The following TTN variants were observed in gnomAD, a reference collection of about 807,000 sequenced individuals.
TTN encodes the protein titin.
A neutral mutation model predicts 3,223.0 loss-of-function variants in TTN; 1,525 were observed. The ratio of observed to expected loss-of-function variants is 0.47; its 90% CI spans 0.45 to 0.49. TTN has a LOEUF of 0.49. Ranked by LOEUF, TTN falls within the 20% of genes least tolerant of loss-of-function variation. The pLI, the probability that TTN is intolerant of heterozygous loss-of-function variation, is 0.00. For synonymous variants in TTN, 14,094 were observed against 15,161.0 expected, an observed-to-expected ratio of 0.93 and a Z score of 5.17; for missense variants, 40,786 against 43,424.0, an observed-to-expected ratio of 0.94 and a Z score of 5.40.
intron 330 of TTN, chr2:178,556,459 A>AAAC (rs1427180876): frequency 0.044 from 8,867 of 203,412 alleles, 440 homozygotes; most frequent in African/African-American, 0.16. Flanking sequence ...AACAAACAAA[A>AAAC]AAAAAAAAAC....
chr2:178,681,478 T>A, intron 136 of TTN, 28 bp from the exon 137 acceptor site: 1 of 1,576,656 alleles, frequency 6.3e-7, no homozygotes, highest in Non-Finnish European at 8.6e-7. Context: ...TAAGAGATTT[T>A]AAAAATTGAA....
intron 11 of TTN, 92 bp from the exon 12 acceptor site, chr2:178,790,207 T>A (rs1227203858): frequency 1.4e-6 from 2 of 1,391,762 alleles, no homozygotes; most frequent in Non-Finnish European, 1.9e-6. Context: ...GAGGCAAAAT[T>A]TCTTCCTATT....
At chr2:178,613,959 A>G (rs752451461) in intron 262 of TTN, 22 bp from the exon 263 acceptor site, 8 of 1,607,058 alleles carry the variant, frequency 5.0e-6, no homozygotes, top group Non-Finnish European at 6.8e-6. Context: ...ATAATGGTGT[A>G]AAATGTTATA....
chr2:178,630,638 G>T (rs1390567205), intron 238 of TTN, among the ~76,000 whole-genome samples, 166 bp downstream of exon 238: 1 of 152,046 alleles, frequency 6.6e-6, no homozygotes, highest in Non-Finnish European at 1.5e-5. Context: ...ATGCAAGTGT[G>T]CCAGTCTGAG....
intron 159 of TTN, among the ~76,000 whole-genome samples, chr2:178,668,894 C>T (rs940736435): frequency 4.0e-5 from 6 of 150,104 alleles, no homozygotes; most frequent in African/African-American, 1.5e-4. Flanking sequence ...AAAAAAAGGT[C>T]GTGAGAATTC....
At chr2:178,673,763 A>G in intron 151 of TTN, 53 bp from the exon 152 acceptor site, 1 of 1,254,912 alleles carries the variant, frequency 8.0e-7, no homozygotes, top group Non-Finnish European at 1.1e-6. Context: ...TGAGCAGAAC[A>G]CCACCCATAT....
Position 178,614,747 on chromosome 2 carries a change from G to A in TTN, c.48767C>T (p.Pro16256Leu), listed in dbSNP as rs2056985988. 1 of 1,606,200 alleles carries A rather than the reference G, an allele frequency of 6.2e-7. No individual in the cohort carries two copies. Reference sequence around the variant, plus strand: ...GAGCTTCACATCGAGGAAGATTTCTGGGGCCTCTGAATTGGAAAAGATTAT... The same window carrying A: ...GAGCTTCACATCGAGGAAGATTTCTAGGGCCTCTGAATTGGAAAAGATTAT... ...EIQAVDTQEAPEIFLDVKLLA... is the reference protein window; with the variant it reads ...EIQAVDTQEALEIFLDVKLLA... Residue 16256 changes from proline (P) to leucine (L), a missense_variant, in exon 261 of 363, where the codon CCA (proline) becomes CTA (leucine). Pro to Leu is a moderately conservative substitution (Grantham distance 98, BLOSUM62 -3). Transcript: ENST00000589042.
chr2:178,543,374 G>A lies in TTN; in HGVS notation c.96599C>T (p.Ser32200Leu). Residue 32200 changes from serine (S) to leucine (L), a missense_variant, in exon 347 of 363, where the codon TCA becomes TTA. Transcript: ENST00000589042. ...PCETSDAVLV[S>L]EVPLVPAKLE... ...CTTTGCAGGCACCAAAGGCACTTCTGAGACCAGTACTGCATCAGATGTTTC... is the reference window on the plus strand; with the variant it reads ...CTTTGCAGGCACCAAAGGCACTTCTAAGACCAGTACTGCATCAGATGTTTC... The A allele has an allele frequency of 3.7e-6, 6 of 1,613,860 alleles. No homozygotes were observed. The highest frequency in any genetic ancestry group is 5.1e-6 in the Non-Finnish European group (6 of 1,179,812).
intron 37 of TTN, 98 bp from the exon 38 acceptor site, chr2:178,769,031 C>T (rs757853254): frequency 1.5e-5 from 21 of 1,373,204 alleles, no homozygotes; most frequent in East Asian, 9.6e-5. Flanking sequence ...GTTTTTAGTG[C>T]GTCTGTTGAG....
rs1490083725 is a variant in TTN at position 178,664,159 on chromosome 2, G to A, written c.36281-61C>T. ...ACAGAGATTACTAGATAGATACAAA[G>A]ACATTTTCAAGAACAAAAGAGCTAT... On this transcript the variant is annotated intron_variant, in intron 168 of 362. Transcript: ENST00000589042. 3.4e-6 allele frequency: 5 copies of A among 1,484,568 alleles called. No individual in the cohort carries two copies. The East Asian group carries it at 1.1e-4, about 34-fold the overall frequency. 92.0% of individuals were successfully genotyped at this position (1,484,568 alleles called of 1,614,324 possible).
Position 178,570,637 on chromosome 2 carries a change from A to T in TTN, c.75495T>A (p.Phe25165Leu), listed in dbSNP as rs879163890. 3 of 1,613,366 alleles carry T rather than the reference A, an allele frequency of 1.9e-6. No homozygotes were observed. The African/African-American group carries it at 4.0e-5, about 22-fold the overall frequency. Residue 25165 changes from phenylalanine to leucine, a missense_variant, in exon 326 of 363, where the codon TTT becomes TTA. Physicochemically the swap from Phe to Leu is conservative, Grantham distance 22. Coordinates refer to ENST00000589042, the MANE Select transcript of TTN (RefSeq NM_001267550.2). ...CATCTTTTACACTGAGACTGGTGGC[A>T]AAGTCGGTGCTCTTTATTTCTAATC... ...TARLEIKSTD[F>L]ATSLSVKDAV...
chr2:178,572,917 T>G lies in TTN; in HGVS notation c.73215A>C (p.Glu24405Asp), dbSNP rs1027579307. The G allele has an allele frequency of 6.2e-7, 1 of 1,613,380 alleles. No homozygotes were observed. Among genetic ancestry groups the G allele is most frequent in the Admixed American group, 1.7e-5 (1 of 59,992 alleles). Reference protein sequence around the residue: ...YKIRIYAMNSEGLGEPALVPG... With the variant: ...YKIRIYAMNSDGLGEPALVPG... ...GAACAAGGGCAGGTTCCCCAAGTCC[T>G]TCGGAATTCATGGCATAGATGCGGA... Residue 24405 changes from glutamate to aspartate, a missense_variant, in exon 326 of 363, where the codon GAA becomes GAC. Glu to Asp is a conservative substitution (Grantham distance 45, BLOSUM62 2). Coordinates refer to ENST00000589042, the MANE Select transcript of TTN (RefSeq NM_001267550.2).
intron 47 of TTN, 145 bp downstream of exon 47, chr2:178,752,979 C>T (rs549344251): frequency 2.6e-5 from 13 of 498,572 alleles, no homozygotes; most frequent in Middle Eastern, 4.6e-4. Flanking sequence ...ACCAAGCATG[C>T]GACATAGTAA....
At chr2:178,685,453 A>G (rs1049083478) in intron 128 of TTN, 65 bp downstream of exon 128, 11 of 1,519,750 alleles carry the variant, frequency 7.2e-6, no homozygotes, top group South Asian at 2.5e-5. Context: ...CAAATTAGCT[A>G]TAAGGAAACA....
Position 178,619,142 on chromosome 2 carries a change from T to G in TTN, c.46697-289A>C, listed in dbSNP as rs371550319. On this transcript the variant is annotated intron_variant, in intron 250 of 362. Transcript: ENST00000589042. Reference sequence around the variant, plus strand: ...ACTCAGTGTAGTGCAAAACATGTTTTGTTTTGTTTTTTGATAGAGTAGGCA... The same window carrying G: ...ACTCAGTGTAGTGCAAAACATGTTTGGTTTTGTTTTTTGATAGAGTAGGCA... 763 of 441,884 alleles carry G rather than the reference T, an allele frequency of 1.7e-3. 17 individuals are homozygous for G. The South Asian group carries it at 0.021, about 12-fold the overall frequency. The allele number at this position is 441,884 out of a possible 1,614,324, so 27.4% of individuals were successfully genotyped here. A position where few individuals can be genotyped will look rare whatever the true frequency, so the allele number is the denominator to read the frequency against.
chr2:178,717,166 G>A lies in TTN; in HGVS notation c.25568C>T (p.Ala8523Val), dbSNP rs1227310783. ...LTVLKVGKGD[A>V]GQYTCYASNI... Reference sequence around the variant, plus strand: ...GCTTGCATAGCAGGTGTACTGCCCGGCATCGCCTTTGCCTACTTTGAGAAC... The same window carrying A: ...GCTTGCATAGCAGGTGTACTGCCCGACATCGCCTTTGCCTACTTTGAGAAC... The change falls in exon 88 of 363, where the codon GCC becomes GTC. Residue 8523 changes from alanine to valine, a missense_variant. Ala to Val is a moderately conservative substitution (Grantham distance 64). Transcript: ENST00000589042. The A allele has an allele frequency of 3.1e-6, 5 of 1,613,464 alleles. No homozygotes were observed. Among genetic ancestry groups the A allele is most frequent in the Non-Finnish European group, 4.2e-6 (5 of 1,179,638 alleles).
chr2:178,688,064 A>G (rs1315369033), intron 127 of TTN, 47 bp downstream of exon 127: 1 of 1,514,006 alleles, frequency 6.6e-7, no homozygotes, highest in Non-Finnish European at 9.1e-7. Context: ...GAAAGAAAAC[A>G]CCTCATCAAA....
chr2:178,715,232 T>C lies in TTN; in HGVS notation c.25954A>G (p.Ile8652Val), dbSNP rs763953118. The C allele has an allele frequency of 3.1e-6, 5 of 1,610,418 alleles. No homozygotes were observed. Among genetic ancestry groups the C allele is most frequent in the East Asian group, 2.2e-5 (1 of 44,862 alleles). ...ACATCAGCTCCTTTCAGTGTCTCTA[T>C]AGGATGAGGCTTTTTGCGGAAAATG... ...PPIFRKKPHP[I>V]ETLKGADVHL... Residue 8652 changes from isoleucine (I) to valine (V), a missense_variant, in exon 90 of 363, where the codon ATA becomes GTA. By Grantham distance (29) the Ile-to-Val change is conservative. Transcript: ENST00000589042.
chr2:178,677,146 A>T lies in TTN; in HGVS notation c.34378+55T>A, dbSNP rs2068248609. 19 of 1,147,088 alleles carry T rather than the reference A, an allele frequency of 1.7e-5. No homozygotes were observed. The South Asian group carries it at 7.0e-4, about 42-fold the overall frequency. The allele number at this position is 1,147,088 out of a possible 1,614,324, so 71.1% of individuals were successfully genotyped here. On this transcript the variant is annotated intron_variant, in intron 147 of 362. Coordinates refer to ENST00000589042, the MANE Select transcript of TTN (RefSeq NM_001267550.2). The stretch of plus-strand genomic sequence containing the variant: ...TTTCCTAAAACCCAGTTTCATCATA[A>T]TTTATGTGACCAAGCTATGGGTGAA...
Sources: gnomAD v4.1 joint callset for allele counts (sites outside exome capture counted in the v4.1 genomes callset) on GRCh38, gnomAD v4.1.1 for gene constraint, MANE v1.5 for transcripts, NCBI Gene and HGNC (gene_info 2026-07-23, HGNC 2026-07-21) for gene names.